SHTN1: variants seen among roughly 807,000 people sequenced by gnomAD.
SHTN1 encodes shootin 1.
A neutral mutation model predicts 83.1 loss-of-function variants in SHTN1; 42 were observed. That is an observed-to-expected ratio of 0.51 (90% CI 0.39 to 0.65). SHTN1 has a LOEUF of 0.65. Ranked by LOEUF, SHTN1 falls within the 30% of genes least tolerant of loss-of-function variation. SHTN1 has a pLI of 0.00. For synonymous variants in SHTN1, 224 were observed against 247.7 expected (o/e 0.90, Z 0.90); for missense variants, 622 against 737.8 (o/e 0.84, Z 1.82).
chr10:117,068,120 G>A (rs1423526079), intron 1 of SHTN1, among the ~76,000 whole-genome samples: 2 of 152,114 alleles, frequency 1.3e-5, no homozygotes, highest in Non-Finnish European at 2.9e-5. Flanking sequence ...GGCCAGGCAC[G>A]GTGGCTCACG....
chr10:116,988,446 C>A (rs913384421), intron 1 of SHTN1, among the ~76,000 whole-genome samples: 4 of 148,928 alleles, frequency 2.7e-5, no homozygotes, highest in African/African-American at 9.8e-5. Context: ...CATGGATGGG[C>A]TTATTTTACT....
At chr10:117,079,665 T>TAG (rs1209091454) in intron 1 of SHTN1, among the ~76,000 whole-genome samples, 3 of 26,722 alleles carry the variant, frequency 1.1e-4, no homozygotes, top group Admixed American at 1.2e-3. Context: ...AGTGTAAAAG[T>TAG]GTTCCTATTT....
intron 12 of SHTN1, among the ~76,000 whole-genome samples, chr10:116,920,881 A>G (rs1052093986): frequency 3.3e-5 from 5 of 152,042 alleles, no homozygotes; most frequent in African/African-American, 7.2e-5. Context: ...AACCCACCCA[A>G]TGTTCTAAAG....
At chr10:116,981,983 G>A (rs1162062001) in intron 1 of SHTN1, among the ~76,000 whole-genome samples, 3 of 152,226 alleles carry the variant, frequency 2.0e-5, no homozygotes, top group East Asian at 1.9e-4. Flanking sequence ...GCTTGATCCC[G>A]GGAGGCAGAG....
intron 9 of SHTN1, among the ~76,000 whole-genome samples, chr10:116,935,028 T>C (rs1849102580): frequency 6.6e-6 from 1 of 152,220 alleles, no homozygotes; most frequent in Non-Finnish European, 1.5e-5. Flanking sequence ...TCCTGAGACT[T>C]TGCTGAAGTT....
chr10:117,071,535 G>GA (rs1392025531), intron 1 of SHTN1, among the ~76,000 whole-genome samples: 1 of 152,212 alleles, frequency 6.6e-6, no homozygotes, highest in African/African-American at 2.4e-5. Context: ...ATGAGTGACA[G>GA]AAATGGCATT....
intron 12 of SHTN1, among the ~76,000 whole-genome samples, chr10:116,918,390 T>G (rs1848444528): frequency 6.6e-6 from 1 of 152,094 alleles, no homozygotes; most frequent in African/African-American, 2.4e-5. Flanking sequence ...CTTCTGCTAT[T>G]ACCTTGAAGA....
At chr10:117,018,869 C>T (rs1388773597) in intron 2 of SHTN1, among the ~76,000 whole-genome samples, 3 of 152,092 alleles carry the variant, frequency 2.0e-5, no homozygotes, top group African/African-American at 7.2e-5. Flanking sequence ...CTGCGCCTGG[C>T]CTGCACTCAC....
At chr10:117,068,395 C>T (rs1397791878) in intron 1 of SHTN1, among the ~76,000 whole-genome samples, 1 of 152,004 alleles carries the variant, frequency 6.6e-6, no homozygotes, top group Admixed American at 6.6e-5. Context: ...AAGGTTGCAA[C>T]GATCTTTACT....
At chr10:116,982,229 G>A (rs987109238) in intron 1 of SHTN1, among the ~76,000 whole-genome samples, 2 of 152,098 alleles carry the variant, frequency 1.3e-5, no homozygotes, top group Non-Finnish European at 2.9e-5. Flanking sequence ...CCCAATTACT[G>A]AGTATTTATG....
chr10:117,110,195 G>A (rs974508106), intron 1 of SHTN1, among the ~76,000 whole-genome samples: 2 of 152,176 alleles, frequency 1.3e-5, no homozygotes, highest in Non-Finnish European at 1.5e-5. Flanking sequence ...AAGTTCATTT[G>A]ATCCCTAAGA....
At chr10:117,046,387 G>C (rs562769413) in intron 2 of SHTN1, among the ~76,000 whole-genome samples, 17 of 152,296 alleles carry the variant, frequency 1.1e-4, no homozygotes, top group African/African-American at 4.1e-4. Flanking sequence ...GAGTTGAGGA[G>C]AATGTGGAGA....
chr10:116,947,825 C>T (rs1011932207), intron 7 of SHTN1, among the ~76,000 whole-genome samples: 2 of 152,136 alleles, frequency 1.3e-5, no homozygotes, highest in Admixed American at 6.5e-5. Context: ...AACCCTTTTC[C>T]TAGCACAGTG....
chr10:116,886,694 T>C, intron 16 of SHTN1, 128 bp from the exon 17 acceptor site: 3 of 1,249,636 alleles, frequency 2.4e-6, no homozygotes, highest in Non-Finnish European at 3.3e-6. Context: ...CATATAGTAG[T>C]CTTTGAGATG....
At chr10:116,901,041 T>C (rs1847713653) in intron 16 of SHTN1, 1 of 985,308 alleles carries the variant, frequency 1.0e-6, no homozygotes, top group Non-Finnish European at 1.2e-6. Context: ...AGAGGTTTAA[T>C]TAACCATGAT....
chr10:117,111,811 T>C (rs988544681), intron 1 of SHTN1, among the ~76,000 whole-genome samples: 6 of 152,086 alleles, frequency 3.9e-5, no homozygotes, highest in African/African-American at 1.4e-4. Context: ...TTGGTCCAAA[T>C]GAGAGAGTTT....
At chr10:116,955,422 C>G (rs1051110464) in intron 4 of SHTN1, among the ~76,000 whole-genome samples, 1 of 152,170 alleles carries the variant, frequency 6.6e-6, no homozygotes, top group Non-Finnish European at 1.5e-5. Context: ...AATGCAAATA[C>G]ATTTCCTTTA....
chr10:116,970,822 T>A (rs1393689208), intron 2 of SHTN1, among the ~76,000 whole-genome samples: 1 of 151,924 alleles, frequency 6.6e-6, no homozygotes, highest in Non-Finnish European at 1.5e-5. Context: ...TATATATGCT[T>A]TATGATACAT....
chr10:117,003,133 C>G (rs1224318399), intron 1 of SHTN1, among the ~76,000 whole-genome samples: 3 of 151,782 alleles, frequency 2.0e-5, no homozygotes, highest in Non-Finnish European at 4.4e-5. Flanking sequence ...GAAAACTGAC[C>G]AACCATAAGA....
Sources: allele counts gnomAD v4.1 joint callset (sites outside exome capture counted in the v4.1 genomes callset), GRCh38; gene constraint gnomAD v4.1.1; transcripts MANE v1.5; gene names NCBI Gene and HGNC (gene_info 2026-07-23, HGNC 2026-07-21).